SOX5: variants seen among roughly 807,000 people sequenced by gnomAD.
The protein encoded by SOX5 is transcription factor SOX-5.
SOX5 carries 9 observed loss-of-function variants against 92.0 expected under a neutral mutation model. That is an observed-to-expected ratio of 0.10 (90% CI 0.06 to 0.17). The LOEUF (loss-of-function observed/expected upper bound fraction) is 0.17. SOX5 is among the 10% of genes least tolerant of loss of function. The pLI is 1.00. For synonymous variants in SOX5, 344 were observed against 336.3 expected (o/e 1.02, Z -0.25); for missense variants, 642 against 944.5 (o/e 0.68, Z 4.20).
chr12:24,012,141 A>G (rs1953019547), intron 4 of SOX5, among the ~76,000 whole-genome samples: 1 of 151,970 alleles, frequency 6.6e-6, no homozygotes, highest in Admixed American at 6.6e-5. Context: ...AAAAAAACAG[A>G]AATGGTAAAT....
chr12:23,798,756 A>T (rs900940809), intron 3 of SOX5, among the ~76,000 whole-genome samples: 4 of 151,968 alleles, frequency 2.6e-5, no homozygotes, highest in African/African-American at 7.2e-5. Context: ...TTTTAAAAAA[A>T]CTTGATAAAT....
intron 9 of SOX5, among the ~76,000 whole-genome samples, chr12:23,578,815 G>A (rs1217266809): frequency 6.6e-6 from 1 of 152,150 alleles, no homozygotes; most frequent in Non-Finnish European, 1.5e-5. Flanking sequence ...GTGTGAAACT[G>A]ACTTCTGTCA....
chr12:23,683,825 T>C (rs1321148647), intron 6 of SOX5, among the ~76,000 whole-genome samples: 1 of 152,004 alleles, frequency 6.6e-6, no homozygotes, highest in Non-Finnish European at 1.5e-5. Context: ...ACCCCATTGG[T>C]TGATAAAATC....
intron 4 of SOX5, among the ~76,000 whole-genome samples, chr12:24,045,694 T>A (rs1452930517): frequency 6.6e-6 from 1 of 152,208 alleles, no homozygotes; most frequent in Non-Finnish European, 1.5e-5. Flanking sequence ...TTTGTAAATT[T>A]CAATGTGTAG....
At chr12:24,472,903 A>G (rs1372708913) in intron 1 of SOX5, among the ~76,000 whole-genome samples, 2 of 152,078 alleles carry the variant, frequency 1.3e-5, no homozygotes, top group African/African-American at 4.8e-5. Context: ...GATCTATTTT[A>G]ATGTATAGCC....
At chr12:24,533,274 G>C (rs1487452475) in intron 1 of SOX5, among the ~76,000 whole-genome samples, 2 of 152,096 alleles carry the variant, frequency 1.3e-5, no homozygotes, top group Non-Finnish European at 2.9e-5. Context: ...AAATGAGTTA[G>C]ACTCGTTGAC....
chr12:24,033,980 T>A (rs1258793639), intron 4 of SOX5, among the ~76,000 whole-genome samples: 1 of 152,050 alleles, frequency 6.6e-6, no homozygotes, highest in African/African-American at 2.4e-5. Context: ...CAGTCTATAA[T>A]CAAAGTCTGT....
chr12:24,204,786 A>AT (rs767729136), intron 4 of SOX5, among the ~76,000 whole-genome samples: 6 of 152,212 alleles, frequency 3.9e-5, no homozygotes, highest in Non-Finnish European at 5.9e-5. Flanking sequence ...TCAGCAATGT[A>AT]TGAGAATAAA....
intron 3 of SOX5, among the ~76,000 whole-genome samples, chr12:23,779,955 C>CTG (rs10686652): frequency 0.37 from 50,740 of 136,204 alleles, 9,219 homozygotes; most frequent in African/African-American, 0.42. Context: ...CACAGCGAGA[C>CTG]TGTGTGTGTG....
At chr12:24,373,124 G>GAA (rs5797081) in intron 1 of SOX5, among the ~76,000 whole-genome samples, 28 of 149,368 alleles carry the variant, frequency 1.9e-4, no homozygotes, top group African/African-American at 2.0e-4. Context: ...GTGTCAAGAG[G>GAA]AAAAAAAAAA....
chr12:23,543,964 G>GCATGA (rs1340013819), intron 12 of SOX5, among the ~76,000 whole-genome samples: 1 of 152,156 alleles, frequency 6.6e-6, no homozygotes, highest in African/African-American at 2.4e-5. Context: ...GCTGACAAAT[G>GCATGA]CATGACATAT....
intron 9 of SOX5, among the ~76,000 whole-genome samples, chr12:23,580,589 T>C (rs1949906616): frequency 6.6e-6 from 1 of 152,042 alleles, no homozygotes; most frequent in Non-Finnish European, 1.5e-5. Context: ...ATATTTTATA[T>C]AATCAAATAC....
intron 4 of SOX5, among the ~76,000 whole-genome samples, chr12:24,137,866 C>T (rs915047322): frequency 1.3e-5 from 2 of 152,202 alleles, no homozygotes; most frequent in African/African-American, 4.8e-5. Flanking sequence ...GATCGTGATG[C>T]TGTTTGTGCC....
intron 4 of SOX5, among the ~76,000 whole-genome samples, chr12:24,115,611 T>C (rs1005060446): frequency 6.6e-6 from 1 of 151,876 alleles, no homozygotes; most frequent in Admixed American, 6.6e-5. Context: ...CCAGAAAGTG[T>C]GAGAAAAATT....
At chr12:23,992,272 C>T (rs1950629982) in intron 4 of SOX5, among the ~76,000 whole-genome samples, 1 of 152,080 alleles carries the variant, frequency 6.6e-6, no homozygotes, top group Non-Finnish European at 1.5e-5. Flanking sequence ...CTAGATTTTT[C>T]TCCTTATTTT....
At chr12:24,079,844 G>A (rs1035984314) in intron 4 of SOX5, among the ~76,000 whole-genome samples, 4 of 151,802 alleles carry the variant, frequency 2.6e-5, no homozygotes, top group African/African-American at 7.3e-5. Flanking sequence ...AGTTACAGTC[G>A]AGAGCCGATC....
intron 1 of SOX5, among the ~76,000 whole-genome samples, chr12:24,507,576 A>T (rs1948915468): frequency 6.6e-6 from 1 of 152,202 alleles, no homozygotes; most frequent in Non-Finnish European, 1.5e-5. Flanking sequence ...TATTTTAAAA[A>T]TCTAACTGTA....
At chr12:24,026,180 G>A (rs934064240) in intron 4 of SOX5, among the ~76,000 whole-genome samples, 1 of 151,996 alleles carries the variant, frequency 6.6e-6, no homozygotes, top group African/African-American at 2.4e-5. Flanking sequence ...GCTTCCTAAA[G>A]GAAATGATTT....
At chr12:23,796,603 G>A (rs1405200602) in intron 3 of SOX5, among the ~76,000 whole-genome samples, 2 of 151,920 alleles carry the variant, frequency 1.3e-5, no homozygotes, top group African/African-American at 4.8e-5. Flanking sequence ...GAGGAATTAA[G>A]TCTGGATTAA....
Sources: allele counts gnomAD v4.1 joint callset (sites outside exome capture counted in the v4.1 genomes callset), GRCh38; gene constraint gnomAD v4.1.1; transcripts MANE v1.5; gene names NCBI Gene and HGNC (gene_info 2026-07-23, HGNC 2026-07-21).